Variants in SFMBT2 observed in about 807,000 individuals in gnomAD.
SFMBT2 encodes Scm like with four mbt domains 2.
In SFMBT2, 38 loss-of-function variants were observed where a neutral mutation model predicts 110.1. That is an observed-to-expected ratio of 0.35 (90% confidence interval 0.27 to 0.45). SFMBT2 has a LOEUF of 0.45. Ranked by LOEUF, SFMBT2 falls within the 20% of genes least tolerant of loss-of-function variation. The probability of loss-of-function intolerance (pLI) is 1.00; values close to 1 mark genes in which losing one functional copy is unlikely to be tolerated. For missense variants in SFMBT2, 1,011 were observed against 1,094.9 expected, an observed-to-expected ratio of 0.92 and a Z score of 1.08; for synonymous variants, 425 against 425.4, an observed-to-expected ratio of 1.00 and a Z score of 0.01.
In SFMBT2 at chr10:7,311,045, CAAA is replaced by C. The variant is rs201310544; in HGVS notation, c.437-25094_437-25092del. Among the ~76,000 whole-genome samples, 882 of 96,928 alleles carry C rather than the reference CAAA, an allele frequency of 9.1e-3. 8 individuals are homozygous for C. The highest frequency in any genetic ancestry group is 0.032 in the African/African-American group (802 of 25,458). 63.6% of individuals were successfully genotyped at this position (96,928 alleles called of 152,430 possible). ...CTAGGCAACAAGAGAAACTCCATCT[CAAA>C]AAAAAAAAAAAAAAACAAAACAAAA... is the stretch of plus-strand genomic sequence containing the variant. On this transcript the variant is annotated intron_variant, in intron 4 of 20. Transcript: ENST00000397167.
intron 7 of SFMBT2, among the ~76,000 whole-genome samples, chr10:7,262,006 C>A (rs717931): frequency 5.9e-5 from 9 of 152,238 alleles, no homozygotes; most frequent in Non-Finnish European, 1.2e-4. Flanking sequence ...GGGGTGACAG[C>A]GCTGAAGGGC....
intron 11 of SFMBT2, among the ~76,000 whole-genome samples, chr10:7,208,428 C>T (rs1839221273): frequency 1.3e-5 from 2 of 152,098 alleles, no homozygotes; most frequent in Admixed American, 1.3e-4. Flanking sequence ...GGAAGCATAA[C>T]AGTAACTTTA....
chr10:7,343,232 T>C, intron 4 of SFMBT2, among the ~76,000 whole-genome samples: 1 of 151,828 alleles, frequency 6.6e-6, no homozygotes, highest in East Asian at 1.9e-4. Context: ...TTTTTTTTTT[T>C]AATGGCTGCG....
At chr10:7,228,397 A>G in intron 9 of SFMBT2, 2 of 812,682 alleles carry the variant, frequency 2.5e-6, no homozygotes, top group Non-Finnish European at 3.0e-6. Context: ...AAAACAAAAC[A>G]GTACCAGGGA....
intron 2 of SFMBT2, among the ~76,000 whole-genome samples, chr10:7,378,791 G>C (rs1008012835): frequency 2.0e-5 from 3 of 150,204 alleles, no homozygotes; most frequent in East Asian, 2.0e-4. Context: ...GAGTGTGGGT[G>C]TGTGTGGCTG....
chr10:7,377,507 T>A (rs545421090), intron 2 of SFMBT2, among the ~76,000 whole-genome samples: 1 of 152,230 alleles, frequency 6.6e-6, no homozygotes, highest in Non-Finnish European at 1.5e-5. Flanking sequence ...TAACTCACCA[T>A]GATATAGAAT....
intron 15 of SFMBT2, among the ~76,000 whole-genome samples, chr10:7,191,561 C>T (rs1009205970): frequency 3.3e-5 from 5 of 152,220 alleles, no homozygotes; most frequent in Non-Finnish European, 4.4e-5. Flanking sequence ...CTCCAAAGTC[C>T]GTATCAGAAA....
chr10:7,198,950 A>G (rs1167900780), intron 14 of SFMBT2, among the ~76,000 whole-genome samples: 2 of 151,962 alleles, frequency 1.3e-5, no homozygotes, highest in South Asian at 2.1e-4. Context: ...AAAGAGCAAA[A>G]CTCTGTCTCA....
intron 16 of SFMBT2, among the ~76,000 whole-genome samples, chr10:7,180,503 C>T (rs1838214301): frequency 6.6e-6 from 1 of 152,092 alleles, no homozygotes; most frequent in Non-Finnish European, 1.5e-5. Flanking sequence ...CATCCAGGGA[C>T]TGACTGTGGA....
In SFMBT2 at chr10:7,283,972, T is replaced by C; in HGVS notation, c.704A>G (p.Tyr235Cys). 1 of 1,610,546 alleles carries C rather than the reference T, an allele frequency of 6.2e-7. No homozygotes were observed. The change falls in exon 6 of 21, where the codon TAC becomes TGC. Residue 235 changes from tyrosine (Y) to cysteine (C), a missense_variant. This residue lies in a region of SFMBT2 where 979 missense variants were observed against 1,016.1 expected (regional missense o/e 0.96). Transcript: ENST00000397167. ...DTESYDQWLFYLDYRLRPVGW... is the reference protein window; with the variant it reads ...DTESYDQWLFCLDYRLRPVGW... ...AACTGGTCGAAGTCTGTAATCCAAG[T>C]AAAACAACCACTGGTCATAGGATTC...
chr10:7,342,443 C>G (rs954039481), intron 4 of SFMBT2, among the ~76,000 whole-genome samples: 6 of 115,898 alleles, frequency 5.2e-5, no homozygotes, highest in African/African-American at 2.0e-4. Flanking sequence ...GAGTCTCGCT[C>G]TGTCGCCCAG....
chr10:7,380,499 G>A (rs942445043), intron 2 of SFMBT2, among the ~76,000 whole-genome samples: 7 of 152,212 alleles, frequency 4.6e-5, no homozygotes, highest in Admixed American at 4.6e-4. Context: ...ATCAAAATGT[G>A]AAGACAAACT....
intron 11 of SFMBT2, among the ~76,000 whole-genome samples, chr10:7,216,242 C>T (rs1166401023): frequency 6.6e-6 from 1 of 152,132 alleles, no homozygotes; most frequent in East Asian, 1.9e-4. Flanking sequence ...GTGTCCCCAC[C>T]CAAATCTCAT....
At position 7,385,835 on chromosome 10, in the gene SFMBT2, T is replaced by TA. The variant is rs1294776719; in HGVS notation, c.-51-3887dup. On this transcript the variant is annotated intron_variant, in intron 1 of 20. Coordinates refer to ENST00000397167, the MANE Select transcript of SFMBT2 (RefSeq NM_001387889.1). ...TAACACGGTGAAACCCCGTCTCTAC[T>TA]AAAAATACAAAAAAATTAGCCAGGC... 3.9e-5 allele frequency among the ~76,000 whole-genome samples: 6 copies of TA among 152,120 alleles called. No individual in the cohort carries two copies. In the East Asian group the frequency reaches 1.2e-3, roughly 30 times the overall value.
chr10:7,266,539 G>C (rs1228323645), intron 7 of SFMBT2, among the ~76,000 whole-genome samples: 2 of 152,184 alleles, frequency 1.3e-5, no homozygotes, highest in Non-Finnish European at 2.9e-5. Context: ...GGGAGCTGGA[G>C]GGGGCACGGC....
At position 7,342,369 on chromosome 10, in the gene SFMBT2, GA is replaced by G. The variant is rs552164511; in HGVS notation, c.436+25279del. Among the ~76,000 whole-genome samples, 5 of 137,542 alleles carry G rather than the reference GA, an allele frequency of 3.6e-5. 1 individual carries two copies. In the Admixed American group the frequency reaches 3.7e-4, roughly 10 times the overall value. The allele number at this position is 137,542 out of a possible 152,430, so 90.2% of individuals were successfully genotyped here. On this transcript the variant is annotated intron_variant, in intron 4 of 20. Transcript: ENST00000397167. ...TTCTAGAAGGGACGGAGAGCCTACA[GA>G]ATTTAGGAATTGCACTGGAGTGAGT...
chr10:7,340,995 T>C (rs1843884316), intron 4 of SFMBT2, among the ~76,000 whole-genome samples: 1 of 152,070 alleles, frequency 6.6e-6, no homozygotes, highest in Non-Finnish European at 1.5e-5. Flanking sequence ...TAGAACCAAA[T>C]GCCAGTTTCA....
intron 2 of SFMBT2, among the ~76,000 whole-genome samples, chr10:7,376,594 G>A (rs1480503584): frequency 2.0e-5 from 3 of 150,754 alleles, no homozygotes; most frequent in Admixed American, 6.6e-5. Context: ...AGCTACTGCG[G>A]AGGCTGAGGC....
intron 16 of SFMBT2, among the ~76,000 whole-genome samples, chr10:7,184,385 A>G (rs1189458327): frequency 6.6e-6 from 1 of 151,936 alleles, no homozygotes; most frequent in Non-Finnish European, 1.5e-5. Flanking sequence ...CTTGATTCTC[A>G]TTCTCTTCTC....
Sources: allele counts gnomAD v4.1 joint callset (sites outside exome capture counted in the v4.1 genomes callset), GRCh38; gene constraint gnomAD v4.1.1; regional missense constraint gnomAD v4.1.1; transcripts MANE v1.5; gene names NCBI Gene and HGNC (gene_info 2026-07-23, HGNC 2026-07-21).